Variants in PCDHA2 observed in about 807,000 individuals in gnomAD.
PCDHA2 encodes the protein protocadherin alpha-2.
A neutral mutation model predicts 66.0 loss-of-function variants in PCDHA2; 58 were observed. The ratio of observed to expected loss-of-function variants is 0.88; its 90% CI spans 0.71 to 1.09. PCDHA2 has a LOEUF of 1.09. PCDHA2 is among the 50% of genes least tolerant of loss of function. PCDHA2 has a pLI of 0.00. For missense variants in PCDHA2, 1,267 were observed against 1,242.3 expected, an observed-to-expected ratio of 1.02 and a Z score of -0.30; for synonymous variants, 634 against 554.0, an observed-to-expected ratio of 1.14 and a Z score of -2.03.
chr5:140,897,415 A>G (rs2066090522), intron 1 of PCDHA2, among the ~76,000 whole-genome samples: 1 of 138,406 alleles, frequency 7.2e-6, no homozygotes, highest in South Asian at 2.3e-4. Context: ...TTCAATTCCC[A>G]TCTATGAGTG....
chr5:140,919,352 T>G (rs1406850241), intron 1 of PCDHA2, among the ~76,000 whole-genome samples: 1 of 152,222 alleles, frequency 6.6e-6, no homozygotes, highest in Non-Finnish European at 1.5e-5. Flanking sequence ...TCTTTGAATC[T>G]AAAAGTGTCT....
chr5:140,824,636 T>TTTTTTTTTTTTTTG (rs1554130013), intron 1 of PCDHA2: 1 of 143,196 alleles, frequency 7.0e-6, no homozygotes, highest in Non-Finnish European at 1.5e-5. Flanking sequence ...TTTTTTTATT[T>TTTTTTTTTTTTTTG]TCTGTAGAGA....
intron 1 of PCDHA2, chr5:140,863,681 T>C (rs2048119190): frequency 6.8e-6 from 2 of 294,950 alleles, no homozygotes; most frequent in Non-Finnish European, 1.3e-5. Flanking sequence ...TTTTGCTTTT[T>C]CTTTTGAGAT....
At chr5:141,003,160 C>T (rs1383713910) in intron 3 of PCDHA2, among the ~76,000 whole-genome samples, 3 of 152,200 alleles carry the variant, frequency 2.0e-5, no homozygotes. Context: ...CCTGATCAAT[C>T]CTAGTCCCTG....
At chr5:140,836,625 T>C in intron 1 of PCDHA2, 1 of 1,613,558 alleles carries the variant, frequency 6.2e-7, no homozygotes, top group Non-Finnish European at 8.5e-7. Flanking sequence ...GGTGGGGAGC[T>C]GGTCATTCTC....
At chr5:140,895,904 C>CG (rs2065248350) in intron 1 of PCDHA2, among the ~76,000 whole-genome samples, 2 of 152,138 alleles carry the variant, frequency 1.3e-5, no homozygotes, top group Non-Finnish European at 2.9e-5. Flanking sequence ...CTCCGCGTCC[C>CG]GGGCTCAACA....
At chr5:140,835,560 G>C in intron 1 of PCDHA2, 1 of 1,613,902 alleles carries the variant, frequency 6.2e-7, no homozygotes. Context: ...GACGCCCCGC[G>C]TTCCCTTCAA....
intron 1 of PCDHA2, chr5:140,967,711 G>C (rs557842321): frequency 6.2e-7 from 1 of 1,614,168 alleles, no homozygotes; most frequent in East Asian, 2.2e-5. Context: ...CCAGTACCGG[G>C]GAAGTGCGAG....
At position 140,852,587 on chromosome 5, in the gene PCDHA2, T is replaced by A. The variant is rs2150519180; in HGVS notation, c.2388+55235T>A. The stretch of plus-strand genomic sequence containing the variant: ...CACTGTGCCAAGGCTTTTTTATTTT[T>A]TTTTTTTGTCATTTTCTTTCAAAAC... On this transcript the variant is annotated intron_variant, in intron 1 of 3. Coordinates refer to ENST00000526136, the MANE Select transcript of PCDHA2 (RefSeq NM_018905.3). 5.8e-4 allele frequency: 511 copies of A among 881,870 alleles called. 32 individuals carry two copies. Among genetic ancestry groups the A allele is most frequent in the Admixed American group, 7.6e-4 (12 of 15,710 alleles). 54.6% of individuals were successfully genotyped at this position (881,870 alleles called of 1,614,324 possible).
intron 1 of PCDHA2, chr5:140,854,159 C>CTAAAA (rs2043003709): frequency 3.1e-6 from 1 of 323,772 alleles, no homozygotes; most frequent in Admixed American, 1.0e-4. Context: ...GATTCTGTCT[C>CTAAAA]AAAAAAAAAA....
intron 1 of PCDHA2, chr5:140,836,231 C>G (rs2150256029): frequency 2.5e-6 from 4 of 1,613,626 alleles, no homozygotes; most frequent in Admixed American, 1.7e-5. Flanking sequence ...CGGTGGCGGC[C>G]GGTGCGAGCA....
At chr5:140,917,519 T>C (rs1554198226) in intron 1 of PCDHA2, among the ~76,000 whole-genome samples, 1 of 152,256 alleles carries the variant, frequency 6.6e-6, no homozygotes, top group East Asian at 1.9e-4. Context: ...GGTTTTATTC[T>C]ACGGTTTGTA....
At chr5:140,856,335 G>A in intron 1 of PCDHA2, 1 of 1,598,610 alleles carries the variant, frequency 6.3e-7, no homozygotes, top group Non-Finnish European at 8.6e-7. Context: ...GAGCTGTGCG[G>A]GCGGAGCGTG....
In PCDHA2 at chr5:140,858,841, A is replaced by G. The variant is rs1390112804; in HGVS notation, c.2388+61489A>G. The G allele has an allele frequency of 1.6e-5, 5 of 314,504 alleles. No homozygotes were observed. The East Asian group carries it at 3.7e-4, about 23-fold the overall frequency. 19.5% of individuals were successfully genotyped at this position (314,504 alleles called of 1,614,324 possible). A position where few individuals can be genotyped will look rare whatever the true frequency, so the allele number is the denominator to read the frequency against. ...TGTATTTGCATTACCAAAAAATTCC[A>G]CTGATCTATATCTCTTCAGTGAAAA... On this transcript the variant is annotated intron_variant, in intron 1 of 3. Coordinates refer to ENST00000526136, the MANE Select transcript of PCDHA2 (RefSeq NM_018905.3).
At chr5:141,001,261 CTT>C (rs1437571267) in intron 3 of PCDHA2, among the ~76,000 whole-genome samples, 1 of 152,062 alleles carries the variant, frequency 6.6e-6, no homozygotes, top group East Asian at 1.9e-4. Flanking sequence ...GGCGGGCACT[CTT>C]ATGAACTTTT....
chr5:140,843,436 C>G (rs2150359840), intron 1 of PCDHA2: 2 of 1,596,080 alleles, frequency 1.3e-6, no homozygotes, highest in Non-Finnish European at 8.6e-7. Flanking sequence ...TCGCCATCTG[C>G]GCGGTATCCA....
chr5:140,862,833 G>A (rs868966696), intron 1 of PCDHA2: 1 of 575,582 alleles, frequency 1.7e-6, no homozygotes, highest in Non-Finnish European at 3.3e-6. Flanking sequence ...CGCGCGACGC[G>A]GGCATGCCGC....
rs1554150153 is a variant in PCDHA2 at position 140,857,511 on chromosome 5, T to C, written c.2388+60159T>C. 5 of 1,598,148 alleles carry C rather than the reference T, an allele frequency of 3.1e-6. No homozygotes were observed. In the South Asian group the frequency reaches 5.5e-5, roughly 18 times the overall value. On this transcript the variant is annotated intron_variant, in intron 1 of 3. Transcript: ENST00000526136. ...GACGCGGACGCGCAGGAGAACGCCC[T>C]GGTGTCCTACTCTCTGGTGGAGCGG...
Position 140,942,409 on chromosome 5 carries a change from T to TA in PCDHA2, c.2389-36528dup, listed in dbSNP as rs78736997. On this transcript the variant is annotated intron_variant, in intron 1 of 3. Coordinates refer to ENST00000526136, the MANE Select transcript of PCDHA2 (RefSeq NM_018905.3). Reference sequence around the variant, plus strand: ...CCTGGGCGACAGATGAGACTCTGTTTAAAAAAAAAAAAGATATCTAACAAT... The same window carrying TA: ...CCTGGGCGACAGATGAGACTCTGTTTAAAAAAAAAAAAAGATATCTAACAAT... Among the ~76,000 whole-genome samples, 1,256 of 143,596 alleles carry TA rather than the reference T, an allele frequency of 8.7e-3. 8 individuals are homozygous for TA. Among genetic ancestry groups the TA allele is most frequent in the African/African-American group, 0.03 (1,168 of 39,342 alleles). 94.2% of individuals were successfully genotyped at this position (143,596 alleles called of 152,430 possible).
Sources: allele counts gnomAD v4.1 joint callset (sites outside exome capture counted in the v4.1 genomes callset), GRCh38; gene constraint gnomAD v4.1.1; transcripts MANE v1.5; gene names NCBI Gene and HGNC (gene_info 2026-07-23, HGNC 2026-07-21).